BTBD9: variants seen among roughly 807,000 people sequenced by gnomAD.
BTBD9 encodes BTB domain containing 9.
Under a neutral mutation model 64.3 loss-of-function variants are expected in BTBD9, and 49 were observed. The ratio of observed to expected loss-of-function variants is 0.76; its 90% CI spans 0.61 to 0.97. BTBD9 has a LOEUF of 0.97. Among genes scored for constraint, BTBD9 ranks in the 50% least tolerant of loss-of-function variants. The probability of loss-of-function intolerance (pLI) is 0.00; values close to 1 mark genes in which losing one functional copy is unlikely to be tolerated. For missense variants in BTBD9, 598 were observed against 762.1 expected, an observed-to-expected ratio of 0.78 and a Z score of 2.53; for synonymous variants, 260 against 274.7, an observed-to-expected ratio of 0.95 and a Z score of 0.53.
chr6:38,556,550 TGAGA>T (rs139812784), intron 6 of BTBD9, among the ~76,000 whole-genome samples: 3,188 of 61,412 alleles, frequency 0.052, 85 homozygotes, highest in African/African-American at 0.13. Flanking sequence ...TGTGTGTGTG[TGAGA>T]GAGAGAGAGA....
At chr6:38,462,752 T>C (rs1770160012) in intron 6 of BTBD9, among the ~76,000 whole-genome samples, 1 of 152,218 alleles carries the variant, frequency 6.6e-6, no homozygotes, top group African/African-American at 2.4e-5. Flanking sequence ...TATTGAGTCT[T>C]CTGACCCATA....
At chr6:38,375,951 G>GAAAGAA (rs1765679213) in intron 6 of BTBD9, among the ~76,000 whole-genome samples, 1 of 96,914 alleles carries the variant, frequency 1.0e-5, no homozygotes, top group Non-Finnish European at 1.9e-5. Context: ...AGGAAAGAAG[G>GAAAGAA]AAAGAAAGAA....
intron 9 of BTBD9, among the ~76,000 whole-genome samples, chr6:38,228,451 C>G (rs1763485750): frequency 2.7e-5 from 4 of 148,450 alleles, no homozygotes; most frequent in Admixed American, 2.1e-4. Context: ...TCAAATGCAA[C>G]AAATGTACCA....
At chr6:38,630,561 G>A (rs1470342499) in intron 1 of BTBD9, among the ~76,000 whole-genome samples, 1 of 152,176 alleles carries the variant, frequency 6.6e-6, no homozygotes, top group Non-Finnish European at 1.5e-5. Context: ...TTAACATTTG[G>A]GAGATGTGGT....
intron 8 of BTBD9, among the ~76,000 whole-genome samples, chr6:38,270,369 C>G (rs1344509736): frequency 6.6e-6 from 1 of 151,838 alleles, no homozygotes; most frequent in African/African-American, 2.4e-5. Flanking sequence ...ACTGCCCTGA[C>G]TCCCATTCAG....
intron 1 of BTBD9, among the ~76,000 whole-genome samples, chr6:38,627,112 T>G (rs1015896205): frequency 6.6e-6 from 1 of 152,150 alleles, no homozygotes; most frequent in Non-Finnish European, 1.5e-5. Context: ...AAGCAGCAAA[T>G]GAACTATCTG....
At chr6:38,297,037 T>C (rs1762180703) in intron 7 of BTBD9, among the ~76,000 whole-genome samples, 1 of 152,208 alleles carries the variant, frequency 6.6e-6, no homozygotes, top group South Asian at 2.1e-4. Flanking sequence ...ATTATTCGAA[T>C]ATTTATATGC....
Position 38,594,242 on chromosome 6 carries a change from G to A in BTBD9, c.271C>T (p.Leu91=), listed in dbSNP as rs1232524065. The change falls in exon 3 of 11, where the codon CTA becomes TTA. Residue 91 remains leucine (L), a synonymous_variant. Transcript: ENST00000481247. Reference sequence around the variant, plus strand: ...CGCCCAGTGTAGATATATTTGAGTAGCATTGTGAATGCTTCTGCAGTGGTG... The same window carrying A: ...CGCCCAGTGTAGATATATTTGAGTAACATTGTGAATGCTTCTGCAGTGGTG... ...QDTTAEAFTM[L]LKYIYTGRAT... is the part of the protein sequence containing the mutation. The A allele has an allele frequency of 6.2e-7, 1 of 1,613,958 alleles. No homozygotes were observed. Among genetic ancestry groups the A allele is most frequent in the African/African-American group, 1.3e-5 (1 of 74,870 alleles).
intron 6 of BTBD9, among the ~76,000 whole-genome samples, chr6:38,426,393 C>T (rs368798444): frequency 2.6e-5 from 4 of 152,116 alleles, no homozygotes; most frequent in South Asian, 2.1e-4. Context: ...GAGCGGGCAA[C>T]GGCAACCCCC....
intron 6 of BTBD9, among the ~76,000 whole-genome samples, chr6:38,411,956 CACACACATAT>C (rs1400048430): frequency 6.6e-6 from 1 of 151,966 alleles, no homozygotes; most frequent in Non-Finnish European, 1.5e-5. Context: ...TACACACATA[CACACACATAT>C]ACACACACAC....
At chr6:38,235,939 T>C (rs1007155587) in intron 9 of BTBD9, among the ~76,000 whole-genome samples, 1 of 152,046 alleles carries the variant, frequency 6.6e-6, no homozygotes, top group Non-Finnish European at 1.5e-5. Context: ...CCCTTGGGCA[T>C]AGTGACAATG....
chr6:38,361,534 C>A (rs1336945284), intron 6 of BTBD9, among the ~76,000 whole-genome samples: 1 of 149,772 alleles, frequency 6.7e-6, no homozygotes, highest in East Asian at 2.0e-4. Flanking sequence ...CAGAACGAGA[C>A]CCTGTCTCTT....
intron 7 of BTBD9, among the ~76,000 whole-genome samples, chr6:38,325,640 G>A (rs746829626): frequency 4.6e-5 from 7 of 152,152 alleles, no homozygotes; most frequent in African/African-American, 9.7e-5. Context: ...AGCCAAGATC[G>A]TGCCACTGCA....
chr6:38,546,489 T>A (rs544646348), intron 6 of BTBD9, among the ~76,000 whole-genome samples: 1 of 152,342 alleles, frequency 6.6e-6, no homozygotes, highest in South Asian at 2.1e-4. Context: ...TTTATGACAC[T>A]GCAGATACTG....
chr6:38,467,895 T>C (rs1171535139), intron 6 of BTBD9, among the ~76,000 whole-genome samples: 1 of 152,230 alleles, frequency 6.6e-6, no homozygotes, highest in Non-Finnish European at 1.5e-5. Flanking sequence ...CTTTCCAAGT[T>C]CAGTGCCTCG....
intron 1 of BTBD9, among the ~76,000 whole-genome samples, chr6:38,629,417 G>C (rs752174046): frequency 6.6e-6 from 1 of 152,168 alleles, no homozygotes; most frequent in African/African-American, 2.4e-5. Context: ...ATCAACATTA[G>C]CATCTTCAAA....
intron 6 of BTBD9, among the ~76,000 whole-genome samples, chr6:38,387,082 T>C (rs966854708): frequency 6.6e-6 from 1 of 152,220 alleles, no homozygotes; most frequent in Non-Finnish European, 1.5e-5. Flanking sequence ...TGCTTGCAGG[T>C]AGAACAAGGA....
chr6:38,307,255 T>C (rs1463952814), intron 7 of BTBD9, among the ~76,000 whole-genome samples: 1 of 152,066 alleles, frequency 6.6e-6, no homozygotes. Context: ...AAAAGAACAA[T>C]AGCTAATTAG....
At chr6:38,178,446 C>T (rs922581041) in intron 10 of BTBD9, among the ~76,000 whole-genome samples, 1 of 152,160 alleles carries the variant, frequency 6.6e-6, no homozygotes, top group Non-Finnish European at 1.5e-5. Context: ...CTCCTACGTG[C>T]CTGACTGGGC....
Sources: allele counts gnomAD v4.1 joint callset (sites outside exome capture counted in the v4.1 genomes callset), GRCh38; gene constraint gnomAD v4.1.1; transcripts MANE v1.5; gene names NCBI Gene and HGNC (gene_info 2026-07-23, HGNC 2026-07-21).